CCDC7: variants seen among roughly 807,000 people sequenced by gnomAD.
The protein encoded by CCDC7 is coiled-coil domain containing 7.
CCDC7 carries 183 observed loss-of-function variants against 196.9 expected under a neutral mutation model. The ratio of observed to expected loss-of-function variants is 0.93; its 90% CI spans 0.82 to 1.05. CCDC7 has a LOEUF of 1.05. Among genes scored for constraint, CCDC7 ranks in the 50% least tolerant of loss-of-function variants. The pLI is 0.00. For missense variants in CCDC7, 1,540 were observed against 1,482.2 expected, an observed-to-expected ratio of 1.04 and a Z score of -0.64; for synonymous variants, 525 against 484.6, an observed-to-expected ratio of 1.08 and a Z score of -1.10.
chr10:32,531,626 T>G (rs184219027), intron 11 of CCDC7, among the ~76,000 whole-genome samples: 46 of 152,304 alleles, frequency 3.0e-4, no homozygotes, highest in African/African-American at 1.1e-3. Context: ...TTGAGTAGGA[T>G]TGGTATTAGA....
At chr10:32,798,557 A>G (rs979287562) in intron 29 of CCDC7, among the ~76,000 whole-genome samples, 1 of 152,206 alleles carries the variant, frequency 6.6e-6, no homozygotes, top group African/African-American at 2.4e-5. Flanking sequence ...ACAGTTTTTG[A>G]CCATTCAGAG....
chr10:32,752,534 T>C (rs1191773248), intron 28 of CCDC7, among the ~76,000 whole-genome samples: 1 of 152,174 alleles, frequency 6.6e-6, no homozygotes. Context: ...AAGGATTTCT[T>C]CTTGCTATTG....
chr10:32,461,724 TATATATGTATATATATATATATATATAC>T (rs1409402134), intron 3 of CCDC7, among the ~76,000 whole-genome samples: 325 of 26,558 alleles, frequency 0.012, 1 homozygote, highest in African/African-American at 0.024. Flanking sequence ...TATATATATA[TATATATGTATATATATATATATATATAC>T]ATATATATAT....
chr10:32,544,173 G>C, intron 12 of CCDC7, 74 bp from the exon 14 acceptor site: 1 of 1,263,754 alleles, frequency 7.9e-7, no homozygotes, highest in East Asian at 2.5e-5. Flanking sequence ...CGTTTAAAAA[G>C]TCCTCCTCAA....
intron 18 of CCDC7, among the ~76,000 whole-genome samples, chr10:32,589,682 A>G (rs1217993316): frequency 2.0e-5 from 3 of 152,116 alleles, no homozygotes; most frequent in Non-Finnish European, 4.4e-5. Context: ...ATTTGGGTCT[A>G]TGTCTTTCTT....
intron 11 of CCDC7, among the ~76,000 whole-genome samples, chr10:32,530,571 G>T (rs1053451638): frequency 4.6e-5 from 7 of 151,860 alleles, no homozygotes; most frequent in African/African-American, 1.7e-4. Context: ...AAGTGAAATG[G>T]TATATAATTG....
intron 21 of CCDC7, among the ~76,000 whole-genome samples, chr10:32,665,655 C>T (rs2072508871): frequency 6.6e-6 from 1 of 151,900 alleles, no homozygotes; most frequent in African/African-American, 2.4e-5. Flanking sequence ...ATGTACAGTG[C>T]CTCCAGCTTT....
In CCDC7 at chr10:32,741,637, G is replaced by T. The variant is rs2085871957; in HGVS notation, c.2905+12180G>T. Among the ~76,000 whole-genome samples, 3 of 152,106 alleles carry T rather than the reference G, an allele frequency of 2.0e-5. No homozygotes were observed. In the South Asian group the frequency reaches 6.2e-4, roughly 31 times the overall value. ...GACCCACACAGTTCAAACTCATGTT[G>T]TTCAAGTATCAACTGTATTTCCTCC... is the stretch of plus-strand genomic sequence containing the variant. On this transcript the variant is annotated intron_variant, in intron 28 of 41. Transcript: ENST00000639629.
rs150472012 is a variant in CCDC7 at position 32,811,442 on chromosome 10, A to T, written c.3098-2928A>T. 7.5e-3 allele frequency among the ~76,000 whole-genome samples: 1,140 copies of T among 152,222 alleles called. 9 individuals are homozygous for T. The highest frequency in any genetic ancestry group is 0.012 in the Non-Finnish European group (822 of 67,932). On this transcript the variant is annotated intron_variant, in intron 30 of 41. Coordinates refer to ENST00000639629, the Ensembl canonical transcript of CCDC7. ...GGACACATATAGCCTACCAAGATTG[A>T]ATTAAGAAGAAATAGAAAATCTGGT...
intron 41 of CCDC7, among the ~76,000 whole-genome samples, chr10:32,856,138 G>A (rs930613010): frequency 1.3e-5 from 2 of 151,974 alleles, no homozygotes; most frequent in African/African-American, 2.4e-5. Flanking sequence ...AGAAAACATA[G>A]GAGAAAACCA....
chr10:32,783,454 A>C (rs1054577943), intron 29 of CCDC7, among the ~76,000 whole-genome samples: 1 of 148,442 alleles, frequency 6.7e-6, no homozygotes, highest in East Asian at 1.9e-4. Flanking sequence ...AATCACAATA[A>C]GATATCACTT....
intron 18 of CCDC7, among the ~76,000 whole-genome samples, chr10:32,606,570 C>T (rs1472255256): frequency 6.6e-6 from 1 of 152,206 alleles, no homozygotes. Context: ...TGGGAGCCCA[C>T]CTCTTGTACC....
chr10:32,577,838 A>T (rs2058371300), intron 16 of CCDC7, among the ~76,000 whole-genome samples: 1 of 152,166 alleles, frequency 6.6e-6, no homozygotes, highest in Admixed American at 6.5e-5. Context: ...TTTGGATTAG[A>T]GAAGACCCAT....
At chr10:32,639,038 C>G (rs1230140479) in intron 20 of CCDC7, among the ~76,000 whole-genome samples, 3 of 152,162 alleles carry the variant, frequency 2.0e-5, no homozygotes, top group Non-Finnish European at 4.4e-5. Flanking sequence ...ATAGTATTCT[C>G]TGATGGTAGT....
intron 30 of CCDC7, among the ~76,000 whole-genome samples, chr10:32,811,426 T>G (rs1031306624): frequency 1.3e-5 from 2 of 152,030 alleles, no homozygotes; most frequent in Non-Finnish European, 2.9e-5. Context: ...TGGACACATA[T>G]AGCCTACCAA....
intron 20 of CCDC7, among the ~76,000 whole-genome samples, chr10:32,645,660 G>A (rs190728974): frequency 6.6e-6 from 1 of 151,870 alleles, no homozygotes; most frequent in South Asian, 2.1e-4. Context: ...AACCCATCAA[G>A]GTTCCTGGGC....
chr10:32,820,879 G>A (rs531154102), intron 31 of CCDC7, among the ~76,000 whole-genome samples: 2 of 152,178 alleles, frequency 1.3e-5, no homozygotes, highest in Admixed American at 6.5e-5. Flanking sequence ...GAAAACCTAG[G>A]CAATACCATT....
At chr10:32,512,032 C>T (rs1034564927) in intron 9 of CCDC7, 2 of 361,762 alleles carry the variant, frequency 5.5e-6, no homozygotes. Flanking sequence ...AGGATCTTGT[C>T]AGTGCATTGT....
chr10:32,565,053 C>T (rs2136858792), intron 13 of CCDC7, among the ~76,000 whole-genome samples: 1 of 152,208 alleles, frequency 6.6e-6, no homozygotes, highest in African/African-American at 2.4e-5. Flanking sequence ...TGTATTTAGT[C>T]CAGAGTTTAT....
Sources: gnomAD v4.1 joint callset for allele counts (sites outside exome capture counted in the v4.1 genomes callset) on GRCh38, gnomAD v4.1.1 for gene constraint, MANE v1.5 for transcripts, NCBI Gene and HGNC (gene_info 2026-07-23, HGNC 2026-07-21) for gene names.